Variants in PRDM5 observed in about 807,000 individuals in gnomAD.
PRDM5 encodes PR domain zinc finger protein 5.
Under a neutral mutation model 81.2 loss-of-function variants are expected in PRDM5, and 56 were observed. The ratio of observed to expected loss-of-function variants is 0.69; its 90% CI spans 0.56 to 0.86. The LOEUF is 0.86. Ranked by LOEUF, PRDM5 falls within the 40% of genes least tolerant of loss-of-function variation. PRDM5 has a pLI of 0.00. For synonymous variants in PRDM5, 267 were observed against 256.4 expected (o/e 1.04, Z -0.39); for missense variants, 697 against 770.1 (o/e 0.91, Z 1.12).
chr4:120,873,380 T>C (rs6844159), intron 2 of PRDM5, among the ~76,000 whole-genome samples: 42,479 of 152,084 alleles, frequency 0.28, 6,125 homozygotes, highest in Middle Eastern at 0.34. Context: ...GGGCTCAAGA[T>C]ATGTGCTCAA....
chr4:120,781,419 T>C, intron 11 of PRDM5, 116 bp from the exon 12 acceptor site: 1 of 901,304 alleles, frequency 1.1e-6, no homozygotes, highest in Non-Finnish European at 1.8e-6. Context: ...TCTAAGAATG[T>C]TAACTTTTTA....
At chr4:120,870,947 T>C (rs1761722320) in intron 2 of PRDM5, among the ~76,000 whole-genome samples, 1 of 152,112 alleles carries the variant, frequency 6.6e-6, no homozygotes, top group South Asian at 2.1e-4. Context: ...TTGTCTACCT[T>C]CTCCTACTCT....
At chr4:120,892,237 T>C (rs879793037) in intron 2 of PRDM5, among the ~76,000 whole-genome samples, 54 of 152,160 alleles carry the variant, frequency 3.5e-4, no homozygotes, top group Non-Finnish European at 6.2e-4. Flanking sequence ...TTTATGCCTA[T>C]GTGGTCAATT....
intron 14 of PRDM5, among the ~76,000 whole-genome samples, chr4:120,722,026 C>T (rs910049446): frequency 6.6e-6 from 1 of 152,016 alleles, no homozygotes. Flanking sequence ...TGCTTGTGGC[C>T]AAAGAGAGAA....
chr4:120,910,106 T>G (rs1026397414), intron 1 of PRDM5, among the ~76,000 whole-genome samples: 4 of 151,920 alleles, frequency 2.6e-5, no homozygotes, highest in Non-Finnish European at 5.9e-5. Context: ...CTAAATTAAT[T>G]ACAGAACTCA....
chr4:120,861,978 G>A (rs1230895599), intron 2 of PRDM5, among the ~76,000 whole-genome samples: 1 of 152,004 alleles, frequency 6.6e-6, no homozygotes, highest in African/African-American at 2.4e-5. Context: ...TCTCCTAACT[G>A]CATAGTTTTC....
intron 2 of PRDM5, among the ~76,000 whole-genome samples, chr4:120,884,511 T>C (rs770802591): frequency 4.6e-5 from 7 of 152,180 alleles, no homozygotes; most frequent in African/African-American, 7.2e-5. Context: ...TTGTATAACA[T>C]AGAAATAATG....
chr4:120,815,354 TA>T (rs1304713377), intron 7 of PRDM5, among the ~76,000 whole-genome samples: 1 of 152,160 alleles, frequency 6.6e-6, no homozygotes, highest in African/African-American at 2.4e-5. Context: ...CAGAACACTG[TA>T]AAAGCCTAGT....
At chr4:120,787,494 A>C (rs1052461497) in intron 10 of PRDM5, among the ~76,000 whole-genome samples, 6 of 152,204 alleles carry the variant, frequency 3.9e-5, no homozygotes, top group Non-Finnish European at 4.4e-5. Context: ...AACAAAATGT[A>C]GGGGAAAACA....
At chr4:120,810,781 T>C (rs1427957036) in intron 8 of PRDM5, among the ~76,000 whole-genome samples, 3 of 152,152 alleles carry the variant, frequency 2.0e-5, no homozygotes, top group Admixed American at 6.5e-5. Context: ...TGTCCTATTA[T>C]TTCTCCTTAA....
At chr4:120,725,498 G>A (rs1027823307) in intron 14 of PRDM5, among the ~76,000 whole-genome samples, 36 of 152,078 alleles carry the variant, frequency 2.4e-4, no homozygotes, top group African/African-American at 8.2e-4. Context: ...AATAGGCCTT[G>A]GTGACTTTTT....
At chr4:120,770,208 T>C (rs559420245) in intron 13 of PRDM5, among the ~76,000 whole-genome samples, 4 of 152,100 alleles carry the variant, frequency 2.6e-5, no homozygotes, top group Non-Finnish European at 5.9e-5. Flanking sequence ...TTTGTATTTT[T>C]AGTAGAGACG....
intron 4 of PRDM5, among the ~76,000 whole-genome samples, chr4:120,819,248 T>G (rs902695927): frequency 2.0e-4 from 31 of 152,324 alleles, no homozygotes; most frequent in African/African-American, 7.5e-4. Flanking sequence ...ATATACAATT[T>G]TATATGTTTT....
chr4:120,691,212 G>A (rs1187112623), downstream of PRDM5, among the ~76,000 whole-genome samples: 1 of 151,946 alleles, frequency 6.6e-6, no homozygotes, highest in Non-Finnish European at 1.5e-5. Flanking sequence ...TATTTCCTGG[G>A]CCTAGAATAT....
In PRDM5 at chr4:120,860,727, C is replaced by T. The variant is rs920769774; in HGVS notation, c.178-7187G>A. 5.3e-5 allele frequency among the ~76,000 whole-genome samples: 8 copies of T among 151,860 alleles called. No homozygotes were observed. The South Asian group carries it at 6.2e-4, about 12-fold the overall frequency. ...TTTATGCACGAATGTTACAGCATTT[C>T]TCTTAGCTACTTAGTGGCTTATTTG... is the stretch of plus-strand genomic sequence containing the variant. On this transcript the variant is annotated intron_variant, in intron 2 of 15. Coordinates refer to ENST00000264808, the MANE Select transcript of PRDM5 (RefSeq NM_018699.4).
At chr4:120,860,504 T>C (rs1248598662) in intron 2 of PRDM5, among the ~76,000 whole-genome samples, 1 of 152,162 alleles carries the variant, frequency 6.6e-6, no homozygotes, top group African/African-American at 2.4e-5. Context: ...ACTGTCCTTT[T>C]CTATAGTTTT....
At chr4:120,739,862 A>G (rs1397525643) in intron 14 of PRDM5, among the ~76,000 whole-genome samples, 1 of 152,120 alleles carries the variant, frequency 6.6e-6, no homozygotes, top group African/African-American at 2.4e-5. Flanking sequence ...GGCAGAAGTT[A>G]CACAGAGATT....
chr4:120,704,256 A>G (rs1212551921), intron 15 of PRDM5, among the ~76,000 whole-genome samples: 3 of 152,178 alleles, frequency 2.0e-5, no homozygotes, highest in Non-Finnish European at 4.4e-5. Flanking sequence ...CAGACATTAA[A>G]AGCTGTTTTC....
At chr4:120,724,508 T>C (rs940818308) in intron 14 of PRDM5, among the ~76,000 whole-genome samples, 1 of 152,184 alleles carries the variant, frequency 6.6e-6, no homozygotes, top group Non-Finnish European at 1.5e-5. Context: ...TCACAGACTC[T>C]TACATTTAAG....
Sources: gnomAD v4.1 joint callset for allele counts (sites outside exome capture counted in the v4.1 genomes callset) on GRCh38, gnomAD v4.1.1 for gene constraint, MANE v1.5 for transcripts, NCBI Gene and HGNC (gene_info 2026-07-23, HGNC 2026-07-21) for gene names.